FOXP1: variants seen among roughly 807,000 people sequenced by gnomAD.
FOXP1 encodes forkhead box P1.
Under a neutral mutation model 98.2 loss-of-function variants are expected in FOXP1, and 15 were observed. The observed-to-expected ratio is 0.15, with a 90% CI of 0.10 to 0.24. The LOEUF is 0.24. Among genes scored for constraint, FOXP1 ranks in the 10% least tolerant of loss-of-function variants. The pLI is 1.00. For synonymous variants in FOXP1, 371 were observed against 314.5 expected, an observed-to-expected ratio of 1.18 and a Z score of -1.90; for missense variants, 633 against 848.5, an observed-to-expected ratio of 0.75 and a Z score of 3.15.
At chr3:71,008,521 C>G (rs1460680261) in intron 12 of FOXP1, among the ~76,000 whole-genome samples, 1 of 152,072 alleles carries the variant, frequency 6.6e-6, no homozygotes, top group Non-Finnish European at 1.5e-5. Context: ...GCAGGAGCAC[C>G]TGCTGCTATC....
intron 3 of FOXP1, among the ~76,000 whole-genome samples, chr3:71,432,240 T>A (rs1209455112): frequency 6.6e-6 from 1 of 152,200 alleles, no homozygotes; most frequent in Non-Finnish European, 1.5e-5. Context: ...ACGGCTGACC[T>A]TGTCGTGGCC....
intron 6 of FOXP1, among the ~76,000 whole-genome samples, chr3:71,148,195 G>A (rs1259485566): frequency 6.6e-6 from 1 of 152,188 alleles, no homozygotes; most frequent in Non-Finnish European, 1.5e-5. Flanking sequence ...TGGCCAACAT[G>A]GCGAAACCTT....
chr3:71,392,337 C>CAG (rs1218324004), intron 3 of FOXP1, among the ~76,000 whole-genome samples: 1 of 152,154 alleles, frequency 6.6e-6, no homozygotes, highest in Admixed American at 6.5e-5. Flanking sequence ...GTCACAGTGA[C>CAG]AGAGGTGTCT....
intron 6 of FOXP1, among the ~76,000 whole-genome samples, chr3:71,179,742 CAG>C (rs2062174631): frequency 6.6e-6 from 1 of 152,180 alleles, no homozygotes; most frequent in Non-Finnish European, 1.5e-5. Flanking sequence ...AAAGGGAAAA[CAG>C]GGTATCCACT....
intron 5 of FOXP1, among the ~76,000 whole-genome samples, chr3:71,272,755 GC>G (rs553327936): frequency 1.3e-3 from 178 of 140,442 alleles, no homozygotes; most frequent in Non-Finnish European, 2.3e-3. Flanking sequence ...AAAGAGCTCT[GC>G]CCCTTATTAG....
Position 71,391,105 on chromosome 3 carries a change from T to C in FOXP1, c.-167-31861A>G, listed in dbSNP as rs543838839. 2.0e-4 allele frequency among the ~76,000 whole-genome samples: 30 copies of C among 152,370 alleles called. No homozygotes were observed. The South Asian group carries it at 5.2e-3, about 26-fold the overall frequency. ...GAAGGAAATGATGAATCTGTATGAA[T>C]GGAAGATCTAAGTATTCTCCACTTG... On this transcript the variant is annotated intron_variant, in intron 3 of 20. Transcript: ENST00000649528.
intron 4 of FOXP1, among the ~76,000 whole-genome samples, chr3:71,354,843 G>A (rs1334577923): frequency 6.6e-6 from 1 of 152,102 alleles, no homozygotes; most frequent in East Asian, 1.9e-4. Context: ...GCTAGGTAAT[G>A]CTATTACCCC....
At chr3:71,074,828 T>G (rs1391588145) in intron 7 of FOXP1, among the ~76,000 whole-genome samples, 1 of 152,200 alleles carries the variant, frequency 6.6e-6, no homozygotes, top group Non-Finnish European at 1.5e-5. Flanking sequence ...TGGCTGGATG[T>G]GGGAGTGGGA....
At chr3:71,433,865 CCT>C (rs1298304329) in intron 3 of FOXP1, among the ~76,000 whole-genome samples, 2 of 152,228 alleles carry the variant, frequency 1.3e-5, no homozygotes, top group Non-Finnish European at 2.9e-5. Context: ...TCTGCCATCC[CCT>C]GATGGCACAG....
At chr3:71,372,757 T>C (rs1297769395) in intron 3 of FOXP1, among the ~76,000 whole-genome samples, 1 of 152,220 alleles carries the variant, frequency 6.6e-6, no homozygotes, top group Non-Finnish European at 1.5e-5. Context: ...GAAGCTATAA[T>C]GTAACAAGTT....
At chr3:71,581,404 T>G in intron 2 of FOXP1, 145 bp downstream of exon 2, 3 of 985,450 alleles carry the variant, frequency 3.0e-6, no homozygotes, top group Non-Finnish European at 3.6e-6. Context: ...CCTACCGGCC[T>G]GAGGATGGGC....
intron 6 of FOXP1, among the ~76,000 whole-genome samples, chr3:71,112,964 C>T (rs1258134442): frequency 6.6e-6 from 1 of 152,026 alleles, no homozygotes; most frequent in Non-Finnish European, 1.5e-5. Flanking sequence ...AGGAGGGACC[C>T]AAGCAAAGAC....
At chr3:71,165,247 TAAAAA>T (rs34841115) in intron 6 of FOXP1, among the ~76,000 whole-genome samples, 1 of 136,538 alleles carries the variant, frequency 7.3e-6, no homozygotes, top group South Asian at 2.3e-4. Context: ...TATTTTTTTG[TAAAAA>T]AAAAAAAAAA....
chr3:71,328,755 C>G (rs141555169), intron 4 of FOXP1, among the ~76,000 whole-genome samples: 1 of 151,836 alleles, frequency 6.6e-6, no homozygotes, highest in Non-Finnish European at 1.5e-5. Context: ...GTTGGATCAC[C>G]GGAGGTTGGG....
rs1214151083 is a variant in FOXP1, at chr3:70,957,032, T to C, written c.*2215A>G. On this transcript the variant is annotated 3_prime_UTR_variant, in exon 21 of 21. Coordinates refer to ENST00000649528, the MANE Select transcript of FOXP1 (RefSeq NM_001349338.3). ...GTTCTTAAACAAAAGTGGCATACAA[T>C]CTAAAAATATCTCTTTTTCTAGAAA... is the stretch of plus-strand genomic sequence containing the variant. 4.5e-6 allele frequency: 1 copy of C among 222,046 alleles called. No homozygotes were observed. The highest frequency in any genetic ancestry group is 2.2e-5 in the African/African-American group (1 of 44,774). 13.8% of individuals were successfully genotyped at this position (222,046 alleles called of 1,614,324 possible). A position where few individuals can be genotyped will look rare whatever the true frequency, so the allele number is the denominator to read the frequency against.
At chr3:71,198,764 C>T (rs1392901432) in intron 5 of FOXP1, among the ~76,000 whole-genome samples, 3 of 151,892 alleles carry the variant, frequency 2.0e-5, no homozygotes, top group African/African-American at 7.3e-5. Flanking sequence ...GCAATCTCGG[C>T]TCACTGCAAC....
chr3:71,489,964 C>T (rs985623236), intron 3 of FOXP1, among the ~76,000 whole-genome samples: 1 of 152,186 alleles, frequency 6.6e-6, no homozygotes, highest in African/African-American at 2.4e-5. Context: ...CCATGAAACA[C>T]TTCACTCAGA....
chr3:71,477,553 A>G (rs1167954568), intron 3 of FOXP1, among the ~76,000 whole-genome samples: 1 of 152,260 alleles, frequency 6.6e-6, no homozygotes, highest in Non-Finnish European at 1.5e-5. Context: ...AAGCTCGACA[A>G]AAGCAATTCT....
intron 4 of FOXP1, among the ~76,000 whole-genome samples, chr3:71,308,791 GTGTGT>G (rs2074476687): frequency 6.6e-6 from 1 of 150,840 alleles, no homozygotes; most frequent in Non-Finnish European, 1.5e-5. Flanking sequence ...GTGTGTGTGT[GTGTGT>G]GTGTGTGTGT....
Sources: gnomAD v4.1 joint callset for allele counts (sites outside exome capture counted in the v4.1 genomes callset) on GRCh38, gnomAD v4.1.1 for gene constraint, MANE v1.5 for transcripts, NCBI Gene and HGNC (gene_info 2026-07-23, HGNC 2026-07-21) for gene names.